NHSL1: variants seen among roughly 807,000 people sequenced by gnomAD.
The protein encoded by NHSL1 is NHS like 1.
In NHSL1, 48 loss-of-function variants were observed where a neutral mutation model predicts 95.0. That is an observed-to-expected ratio of 0.51 (90% CI 0.40 to 0.64). The LOEUF (loss-of-function observed/expected upper bound fraction) is 0.64, where lower values mean the gene tolerates loss of function less well. Among genes scored for constraint, NHSL1 ranks in the 30% least tolerant of loss-of-function variants. The pLI is 0.00. For synonymous variants in NHSL1, 783 were observed against 833.9 expected (o/e 0.94, Z 1.05); for missense variants, 1,971 against 2,077.7 (o/e 0.95, Z 1.00).
intron 1 of NHSL1, chr6:138,571,500 C>G: frequency 3.6e-6 from 2 of 557,188 alleles, no homozygotes; most frequent in Admixed American, 3.3e-5. Flanking sequence ...CTTTATCTTT[C>G]TTTGAATGAT....
intron 3 of NHSL1, among the ~76,000 whole-genome samples, chr6:138,447,609 C>A (rs2128220905): frequency 6.6e-6 from 1 of 152,044 alleles, no homozygotes; most frequent in Middle Eastern, 3.2e-3. Context: ...CCCATCTCTA[C>A]TAAAAATAAA....
intron 1 of NHSL1, among the ~76,000 whole-genome samples, chr6:138,666,832 T>C (rs1328055824): frequency 6.6e-6 from 1 of 152,192 alleles, no homozygotes; most frequent in African/African-American, 2.4e-5. Flanking sequence ...AAGAGAGGCA[T>C]GCAGGGCATA....
At chr6:138,664,139 G>T (rs1785264837) in intron 1 of NHSL1, among the ~76,000 whole-genome samples, 1 of 152,192 alleles carries the variant, frequency 6.6e-6, no homozygotes, top group Admixed American at 6.5e-5. Context: ...TTTCACACCT[G>T]CGTTCCAGGG....
rs1261061067 is a variant in NHSL1, at chr6:138,496,390, A to T, written c.59-19T>A. 13 of 1,549,430 alleles carry T rather than the reference A, an allele frequency of 8.4e-6. No individual in the cohort carries two copies. The Admixed American group carries it at 2.6e-4, about 30-fold the overall frequency. On this transcript the variant is annotated intron_variant, in intron 1 of 7. Coordinates refer to ENST00000343505, the MANE Select transcript of NHSL1 (RefSeq NM_001144060.2). ...GAAACCGCTATAGAAAAAAAGATAGAATACATTCAGGTGTCAACTTCATTG... is the reference window on the plus strand; with the variant it reads ...GAAACCGCTATAGAAAAAAAGATAGTATACATTCAGGTGTCAACTTCATTG...
At chr6:138,506,639 T>C (rs1780976763) in intron 1 of NHSL1, among the ~76,000 whole-genome samples, 1 of 152,204 alleles carries the variant, frequency 6.6e-6, no homozygotes. Context: ...ATTTGGTTAA[T>C]CTGGAAATCT....
chr6:138,600,481 G>C (rs1199136876), intron 1 of NHSL1, among the ~76,000 whole-genome samples: 1 of 152,154 alleles, frequency 6.6e-6, no homozygotes, highest in Admixed American at 6.5e-5. Flanking sequence ...AGGTTACTGA[G>C]TGAAAAAACC....
At chr6:138,656,345 C>G (rs1042983374) in intron 1 of NHSL1, among the ~76,000 whole-genome samples, 1 of 152,132 alleles carries the variant, frequency 6.6e-6, no homozygotes, top group African/African-American at 2.4e-5. Context: ...TTCAACAGAA[C>G]AAAATCTGTG....
chr6:138,538,593 G>A (rs1216580639), intron 1 of NHSL1, among the ~76,000 whole-genome samples: 2 of 152,168 alleles, frequency 1.3e-5, no homozygotes, highest in East Asian at 3.8e-4. Context: ...GCCCTCGAGA[G>A]AGCAGAGGCG....
In NHSL1 at chr6:138,551,682, T is replaced by C. The variant is rs367883214; in HGVS notation, c.202+20028A>G. ...CACAACAGAAAGAAGAAAAAAATTATAGCATTATAACTTTAAACTGGCTAA... is the reference window on the plus strand; with the variant it reads ...CACAACAGAAAGAAGAAAAAAATTACAGCATTATAACTTTAAACTGGCTAA... On this transcript the variant is annotated intron_variant, in intron 1 of 6. Coordinates refer to the NHSL1 transcript ENST00000427025. 4.1e-4 allele frequency among the ~76,000 whole-genome samples: 62 copies of C among 152,318 alleles called. 1 individual carries two copies. The South Asian group carries it at 0.012, about 30-fold the overall frequency.
At chr6:138,674,733 G>A (rs1785426082) in intron 1 of NHSL1, among the ~76,000 whole-genome samples, 1 of 152,064 alleles carries the variant, frequency 6.6e-6, no homozygotes, top group South Asian at 2.1e-4. Context: ...TGGGCATTTG[G>A]GTTGACTCCA....
intron 1 of NHSL1, among the ~76,000 whole-genome samples, chr6:138,660,584 T>C (rs541050136): frequency 6.0e-5 from 9 of 150,126 alleles, no homozygotes; most frequent in Non-Finnish European, 1.3e-4. Context: ...GAGCTTGCAG[T>C]GAGCCGAGAT....
chr6:138,481,184 A>G (rs931467410), intron 2 of NHSL1, among the ~76,000 whole-genome samples: 2 of 152,214 alleles, frequency 1.3e-5, no homozygotes, highest in African/African-American at 4.8e-5. Flanking sequence ...TGAGCTTTCA[A>G]ATAAATACAC....
At chr6:138,657,105 T>C (rs1204131014) in intron 1 of NHSL1, among the ~76,000 whole-genome samples, 2 of 151,954 alleles carry the variant, frequency 1.3e-5, no homozygotes, top group African/African-American at 4.8e-5. Flanking sequence ...TGCTTTCACC[T>C]GCAACAAAAA....
At chr6:138,480,977 C>A (rs1013249028) in intron 2 of NHSL1, among the ~76,000 whole-genome samples, 3 of 152,050 alleles carry the variant, frequency 2.0e-5, no homozygotes, top group Non-Finnish European at 2.9e-5. Flanking sequence ...TCTGGTAGAT[C>A]GAAGTTTTTA....
intron 1 of NHSL1, among the ~76,000 whole-genome samples, chr6:138,523,627 G>GAAAAAAAAAAAA (rs67335375): frequency 7.7e-5 from 5 of 64,934 alleles, no homozygotes; most frequent in African/African-American, 1.1e-4. Context: ...TTTTAAAGAG[G>GAAAAAAAAAAAA]AAAAAAAAAA....
At chr6:138,681,123 G>C (rs188238235) in intron 1 of NHSL1, among the ~76,000 whole-genome samples, 286 of 152,080 alleles carry the variant, frequency 1.9e-3, no homozygotes, top group African/African-American at 6.6e-3. Flanking sequence ...AAGACATACA[G>C]AACAATGAGG....
At chr6:138,622,827 C>T (rs1314768460) in intron 1 of NHSL1, among the ~76,000 whole-genome samples, 2 of 152,198 alleles carry the variant, frequency 1.3e-5, no homozygotes, top group African/African-American at 4.8e-5. Flanking sequence ...AAATGCAGTT[C>T]CTGCTCCCAA....
At chr6:138,527,965 C>T (rs1195553657) in intron 1 of NHSL1, among the ~76,000 whole-genome samples, 1 of 152,180 alleles carries the variant, frequency 6.6e-6, no homozygotes, top group African/African-American at 2.4e-5. Context: ...CACACAAGAG[C>T]CTGTGAACGA....
chr6:138,653,347 G>A (rs1002029886), intron 1 of NHSL1, among the ~76,000 whole-genome samples: 1 of 151,988 alleles, frequency 6.6e-6, no homozygotes, highest in African/African-American at 2.4e-5. Flanking sequence ...CGAGGTCAAG[G>A]GATCAAGACC....
Sources: allele counts gnomAD v4.1 joint callset (sites outside exome capture counted in the v4.1 genomes callset), GRCh38; gene constraint gnomAD v4.1.1; transcripts MANE v1.5; gene names NCBI Gene and HGNC (gene_info 2026-07-23, HGNC 2026-07-21).